Variants in MRFAP1L2 observed in about 807,000 individuals in gnomAD.
MRFAP1L2 encodes Morf4 family associated protein 1 like 2, also known as MORF4 family-associated protein 1-like protein UPP.
chr4:6,674,869 C>T, the MRFAP1L2 span: 4 of 333,612 alleles, frequency 1.2e-5, no homozygotes, highest in Non-Finnish European at 1.6e-5. Flanking sequence ...GGAGCGTTTG[C>T]GATGACCTTC....
chr4:6,675,295 T>C, the MRFAP1L2 span: 3 of 152,248 alleles, frequency 2.0e-5, no homozygotes, highest in African/African-American at 4.8e-5. Context: ...TGTGATCTTA[T>C]TGTATTTTCA....
At chr4:6,674,574 C>T in the MRFAP1L2 span, 4 of 636,040 alleles carry the variant, frequency 6.3e-6, no homozygotes, top group African/African-American at 1.9e-5. Context: ...TGCTGCTGAG[C>T]CGGCGAGGCC....
At chr4:6,674,921 G>A in the MRFAP1L2 span, 1 of 224,294 alleles carries the variant, frequency 4.5e-6, no homozygotes, top group Non-Finnish European at 8.7e-6. Flanking sequence ...GGGTTTGTTT[G>A]ACTCCCGGAT....
the MRFAP1L2 span, chr4:6,674,216 C>T: frequency 5.0e-6 from 2 of 399,678 alleles, no homozygotes; most frequent in South Asian, 8.3e-5. Context: ...CGGCGTGATG[C>T]GGCCCGTGGA....
At chr4:6,675,372 G>C in the MRFAP1L2 span, 1 of 152,164 alleles carries the variant, frequency 6.6e-6, no homozygotes, top group Non-Finnish European at 1.5e-5. Context: ...GGACTCATGA[G>C]AGACTTGAGG....
chr4:6,674,233 C>G, the MRFAP1L2 span: 2 of 407,180 alleles, frequency 4.9e-6, no homozygotes, highest in East Asian at 3.7e-5. Flanking sequence ...TGGACGCGGA[C>G]GAGGCGCGGG....
At chr4:6,674,377 G>T in the MRFAP1L2 span, 1 of 648,706 alleles carries the variant, frequency 1.5e-6, no homozygotes, top group South Asian at 1.6e-5. Context: ...TCCAGAGCCT[G>T]CTCGACGCCA....
the MRFAP1L2 span, chr4:6,674,911 G>C: frequency 4.1e-6 from 1 of 241,696 alleles, no homozygotes; most frequent in African/African-American, 2.3e-5. Context: ...ACAGGTGGTT[G>C]GGTTTGTTTG....
the MRFAP1L2 span, chr4:6,674,413 G>A: frequency 4.6e-6 from 3 of 654,450 alleles, no homozygotes; most frequent in African/African-American, 1.9e-5. Flanking sequence ...AGGCAGAGGA[G>A]CGGGGCGCCC....
At chr4:6,674,270 C>T in the MRFAP1L2 span, 1 of 488,690 alleles carries the variant, frequency 2.0e-6, no homozygotes, top group Non-Finnish European at 3.6e-6. Flanking sequence ...GGGCAGCCCG[C>T]TGAGCCCCGC....
chr4:6,675,558 AGGAG>A, the MRFAP1L2 span: 1 of 152,246 alleles, frequency 6.6e-6, no homozygotes, highest in Non-Finnish European at 1.5e-5. Context: ...ATCAGATCAA[AGGAG>A]GGAGAGCTGT....
At chr4:6,675,277 T>C in the MRFAP1L2 span, 4 of 152,346 alleles carry the variant, frequency 2.6e-5, no homozygotes, top group South Asian at 8.3e-4. Flanking sequence ...CGTGGTCATA[T>C]TTGTTCCTGT....
chr4:6,675,838 C>G, the MRFAP1L2 span: 3 of 152,176 alleles, frequency 2.0e-5, no homozygotes, highest in Non-Finnish European at 2.9e-5. Context: ...GGGTCCCAAA[C>G]AGTCATTCCA....
At chr4:6,674,606 C>G in the MRFAP1L2 span, 2 of 596,174 alleles carry the variant, frequency 3.4e-6, no homozygotes, top group Admixed American at 6.0e-5. Flanking sequence ...GAGCGGAGCG[C>G]GGCGGGGAGT....
At chr4:6,674,525 C>T in the MRFAP1L2 span, 9 of 670,126 alleles carry the variant, frequency 1.3e-5, no homozygotes, top group Non-Finnish European at 1.9e-5. Context: ...GATGGGCAGG[C>T]GGATCGTGGA....
the MRFAP1L2 span, chr4:6,674,415 G>T: frequency 9.2e-6 from 6 of 653,460 alleles, no homozygotes; most frequent in Middle Eastern, 3.8e-4. Context: ...GCAGAGGAGC[G>T]GGGCGCCCGG....
At chr4:6,674,277 C>G in the MRFAP1L2 span, 1 of 506,472 alleles carries the variant, frequency 2.0e-6, no homozygotes, top group Non-Finnish European at 3.4e-6. Context: ...CCGCTGAGCC[C>G]CGCGCCCCGC....
chr4:6,675,583 T>G, the MRFAP1L2 span: 3 of 152,226 alleles, frequency 2.0e-5, no homozygotes, highest in Non-Finnish European at 2.9e-5. Flanking sequence ...TTTGGGTGTT[T>G]TGTTTTTTTT....
chr4:6,675,450 C>T, the MRFAP1L2 span: 1 of 151,952 alleles, frequency 6.6e-6, no homozygotes, highest in Admixed American at 6.6e-5. Context: ...AAGCTCCTGT[C>T]AAAGTTGTGA....
Sources: allele counts gnomAD v4.1 joint callset, GRCh38; gene constraint gnomAD v4.1.1; transcripts MANE v1.5; gene names NCBI Gene and HGNC (gene_info 2026-07-23, HGNC 2026-07-21).